The following CDH18 variants were observed in gnomAD, a reference collection of about 807,000 sequenced individuals.
CDH18 encodes the protein cadherin 18.
CDH18 carries 31 observed loss-of-function variants against 67.9 expected under a neutral mutation model. The ratio of observed to expected loss-of-function variants is 0.46; its 90% CI spans 0.34 to 0.62. The LOEUF is 0.62. CDH18 is among the 20% of genes least tolerant of loss of function. The pLI, the probability that CDH18 is intolerant of heterozygous loss-of-function variation, is 0.01. For synonymous variants in CDH18, 362 were observed against 347.2 expected (o/e 1.04, Z -0.48); for missense variants, 890 against 975.5 (o/e 0.91, Z 1.17).
chr5:19,916,394 A>T (rs1027528589), intron 2 of CDH18, among the ~76,000 whole-genome samples: 1 of 152,150 alleles, frequency 6.6e-6, no homozygotes, highest in Non-Finnish European at 1.5e-5. Context: ...GTTCTTGCTC[A>T]ATCCCCACCT....
intron 1 of CDH18, among the ~76,000 whole-genome samples, chr5:20,405,658 G>C (rs887475387): frequency 2.8e-4 from 43 of 151,896 alleles, no homozygotes; most frequent in African/African-American, 1.0e-3. Context: ...GCAACCTACA[G>C]AATGGGAGAA....
intron 1 of CDH18, among the ~76,000 whole-genome samples, chr5:20,272,634 C>T (rs551899278): frequency 6.6e-6 from 1 of 151,966 alleles, no homozygotes; most frequent in South Asian, 2.1e-4. Context: ...GAAGATAAAA[C>T]TGAAGCTAAA....
At chr5:19,499,187 C>T (rs1742828655) in intron 11 of CDH18, among the ~76,000 whole-genome samples, 2 of 152,170 alleles carry the variant, frequency 1.3e-5, no homozygotes, top group Admixed American at 6.6e-5. Context: ...AACATTACCA[C>T]TTAGATTTGA....
intron 2 of CDH18, among the ~76,000 whole-genome samples, chr5:19,859,989 G>GGGGGGTGTGTGTGT (rs143069229): frequency 7.0e-5 from 10 of 143,248 alleles, no homozygotes; most frequent in African/African-American, 2.6e-4. Flanking sequence ...GTTTGCTTTG[G>GGGGGGTGTGTGTGT]GTGTGTGTGT....
intron 1 of CDH18, among the ~76,000 whole-genome samples, chr5:20,482,665 A>G (rs1284488404): frequency 6.6e-6 from 1 of 152,144 alleles, no homozygotes; most frequent in African/African-American, 2.4e-5. Flanking sequence ...AGAATGAAGG[A>G]CAAAAACCAT....
At chr5:19,918,543 T>A (rs1792077445) in intron 2 of CDH18, among the ~76,000 whole-genome samples, 2 of 152,194 alleles carry the variant, frequency 1.3e-5, no homozygotes, top group Admixed American at 1.3e-4. Context: ...TCCATGGACA[T>A]ATTAATGCAG....
intron 5 of CDH18, among the ~76,000 whole-genome samples, chr5:19,700,196 T>G (rs531988166): frequency 8.1e-4 from 124 of 152,262 alleles, no homozygotes; most frequent in Non-Finnish European, 1.5e-3. Flanking sequence ...CAAACCAGGG[T>G]TCCTAACCAA....
chr5:19,644,073 T>C (rs532239228), intron 5 of CDH18, among the ~76,000 whole-genome samples: 10 of 152,266 alleles, frequency 6.6e-5, no homozygotes, highest in Admixed American at 4.6e-4. Context: ...CCTATTTGGG[T>C]CTAAATTTAA....
intron 3 of CDH18, among the ~76,000 whole-genome samples, chr5:19,832,982 G>A (rs1664359616): frequency 6.6e-6 from 1 of 151,958 alleles, no homozygotes; most frequent in Non-Finnish European, 1.5e-5. Flanking sequence ...TGTTCTTTTT[G>A]CTTAGGATTC....
chr5:19,500,687 A>T (rs1392397470), intron 11 of CDH18, among the ~76,000 whole-genome samples: 1 of 152,220 alleles, frequency 6.6e-6, no homozygotes, highest in Non-Finnish European at 1.5e-5. Flanking sequence ...ACTGTAGCTG[A>T]TGTAAACTTC....
chr5:20,001,873 G>C (rs555412198), intron 2 of CDH18, among the ~76,000 whole-genome samples: 1 of 152,210 alleles, frequency 6.6e-6, no homozygotes, highest in Non-Finnish European at 1.5e-5. Context: ...TGTAGGTAGG[G>C]ATAGGTTATT....
intron 2 of CDH18, among the ~76,000 whole-genome samples, chr5:19,897,996 T>C (rs1355424906): frequency 6.6e-6 from 1 of 152,138 alleles, no homozygotes; most frequent in Admixed American, 6.5e-5. Context: ...GTCGTACTTA[T>C]GATATGTATG....
intron 1 of CDH18, among the ~76,000 whole-genome samples, chr5:20,344,928 G>T (rs1740583113): frequency 6.6e-6 from 1 of 152,124 alleles, no homozygotes; most frequent in Admixed American, 6.5e-5. Context: ...CATTGCATTT[G>T]TTCTAACTTG....
intron 2 of CDH18, among the ~76,000 whole-genome samples, chr5:20,184,938 G>C (rs1161019349): frequency 6.6e-6 from 1 of 152,062 alleles, no homozygotes; most frequent in Non-Finnish European, 1.5e-5. Context: ...TGAAAGCAAA[G>C]AAGTAGACTT....
intron 2 of CDH18, among the ~76,000 whole-genome samples, chr5:20,118,943 G>A (rs1441183161): frequency 1.3e-5 from 2 of 152,020 alleles, no homozygotes; most frequent in Admixed American, 6.6e-5. Context: ...TTTATTAGGT[G>A]AACAAATCAA....
At chr5:19,946,517 C>T (rs1164926847) in intron 2 of CDH18, among the ~76,000 whole-genome samples, 2 of 152,036 alleles carry the variant, frequency 1.3e-5, no homozygotes. Context: ...TGATATGGTG[C>T]TAAATGAATC....
intron 2 of CDH18, among the ~76,000 whole-genome samples, chr5:19,973,234 C>G (rs533647089): frequency 6.6e-5 from 10 of 152,180 alleles, no homozygotes; most frequent in Middle Eastern, 3.4e-3. Flanking sequence ...TTTAAATACA[C>G]AGGCAAATGC....
At chr5:19,588,210 T>C (rs972016371) in intron 7 of CDH18, among the ~76,000 whole-genome samples, 3 of 152,120 alleles carry the variant, frequency 2.0e-5, no homozygotes, top group East Asian at 3.9e-4. Flanking sequence ...GTTTCCGAGA[T>C]ATAGGGTTAT....
At chr5:19,613,912 CAT>C (rs1472682116) in intron 5 of CDH18, among the ~76,000 whole-genome samples, 2 of 152,056 alleles carry the variant, frequency 1.3e-5, no homozygotes, top group Admixed American at 6.6e-5. Context: ...ATCCTTCAAA[CAT>C]AAGTCATTTT....
Sources: gnomAD v4.1 joint callset for allele counts (sites outside exome capture counted in the v4.1 genomes callset) on GRCh38, gnomAD v4.1.1 for gene constraint, MANE v1.5 for transcripts, NCBI Gene and HGNC (gene_info 2026-07-23, HGNC 2026-07-21) for gene names.